The following HOMER1 variants were observed in gnomAD, a reference collection of about 807,000 sequenced individuals.
HOMER1 encodes homer protein homolog 1.
A neutral mutation model predicts 48.9 loss-of-function variants in HOMER1; 3 were observed. That is an observed-to-expected ratio of 0.06 (90% CI 0.03 to 0.16). The LOEUF (loss-of-function observed/expected upper bound fraction) is 0.16. Ranked by LOEUF, HOMER1 falls within the 10% of genes least tolerant of loss-of-function variation. The pLI, the probability that HOMER1 is intolerant of heterozygous loss-of-function variation, is 1.00. For missense variants in HOMER1, 247 were observed against 411.4 expected, an observed-to-expected ratio of 0.60 and a Z score of 3.46; for synonymous variants, 134 against 146.4, an observed-to-expected ratio of 0.92 and a Z score of 0.61.
chr5:79,472,972 C>T (rs1389369742), intron 1 of HOMER1, among the ~76,000 whole-genome samples: 1 of 152,156 alleles, frequency 6.6e-6, no homozygotes, highest in African/African-American at 2.4e-5. Flanking sequence ...AGTTATTCTA[C>T]ACAAGTTATC....
At position 79,512,903 on chromosome 5, in the gene HOMER1, T is replaced by G. The variant is rs1358709104; in HGVS notation, c.-129A>C. On this transcript the variant is annotated 5_prime_UTR_variant, in exon 1 of 9. Coordinates refer to ENST00000334082, the MANE Select transcript of HOMER1 (RefSeq NM_004272.5). ...ACCCCCAGATCCTTGTCCGGAGGTA[T>G]TTCAAGGATGCTGCCAATTCAATTA... 2.5e-6 allele frequency: 2 copies of G among 797,106 alleles called. No homozygotes were observed. Among genetic ancestry groups the G allele is most frequent in the Non-Finnish European group, 4.3e-6 (2 of 464,192 alleles). The allele number at this position is 797,106 out of a possible 1,614,324, so 49.4% of individuals were successfully genotyped here. A position where few individuals can be genotyped will look rare whatever the true frequency, so the allele number is the denominator to read the frequency against.
intron 1 of HOMER1, among the ~76,000 whole-genome samples, chr5:79,476,741 T>G (rs556248312): frequency 1.1e-4 from 16 of 152,292 alleles, no homozygotes; most frequent in African/African-American, 3.1e-4. Context: ...CCACACACAT[T>G]TAGCTATCCA....
At chr5:79,462,476 A>G in intron 1 of HOMER1, among the ~76,000 whole-genome samples, 1 of 152,216 alleles carries the variant, frequency 6.6e-6, no homozygotes, top group East Asian at 1.9e-4. Flanking sequence ...ATGGATGTGG[A>G]AAACTGGAAG....
intron 1 of HOMER1, among the ~76,000 whole-genome samples, chr5:79,507,639 C>T (rs1752815934): frequency 6.6e-6 from 1 of 151,712 alleles, no homozygotes; most frequent in African/African-American, 2.4e-5. Context: ...CTCTTCTGTC[C>T]AGTTAGTCAT....
At chr5:79,421,389 G>A (rs919522156) in intron 5 of HOMER1, among the ~76,000 whole-genome samples, 2 of 152,020 alleles carry the variant, frequency 1.3e-5, no homozygotes, top group African/African-American at 2.4e-5. Flanking sequence ...CCAGCTACTT[G>A]GTAAACATGC....
intron 6 of HOMER1, among the ~76,000 whole-genome samples, chr5:79,399,537 T>A (rs1284175254): frequency 6.6e-6 from 1 of 152,188 alleles, no homozygotes; most frequent in African/African-American, 2.4e-5. Context: ...AGATAAAGAT[T>A]TCCTAGGACA....
intron 1 of HOMER1, among the ~76,000 whole-genome samples, chr5:79,500,548 C>T (rs1340814180): frequency 6.6e-6 from 1 of 152,124 alleles, no homozygotes; most frequent in Non-Finnish European, 1.5e-5. Context: ...CCTCCTCTTC[C>T]TCAGCCTACT....
chr5:79,488,472 T>C (rs1427987351), intron 1 of HOMER1, among the ~76,000 whole-genome samples: 1 of 152,238 alleles, frequency 6.6e-6, no homozygotes, highest in East Asian at 1.9e-4. Context: ...TTCTAGTTTA[T>C]ACATCAGTCT....
At chr5:79,487,361 A>G (rs968203333) in intron 1 of HOMER1, among the ~76,000 whole-genome samples, 2 of 152,356 alleles carry the variant, frequency 1.3e-5, no homozygotes, top group South Asian at 4.1e-4. Flanking sequence ...CAACTTGAAC[A>G]TACAAAAAGA....
intron 5 of HOMER1, among the ~76,000 whole-genome samples, chr5:79,409,266 C>T (rs1749751730): frequency 6.6e-6 from 1 of 151,358 alleles, no homozygotes; most frequent in Non-Finnish European, 1.5e-5. Context: ...AACCCTATCT[C>T]TACTAAAAAT....
Position 79,396,920 on chromosome 5 carries a change from A to T in HOMER1, c.796-17T>A. ...TTCTATTTCCTAGAAAAGACAGAGCAATGTCTTAACATTCAAACTATATCA... is the reference window on the plus strand; with the variant it reads ...TTCTATTTCCTAGAAAAGACAGAGCTATGTCTTAACATTCAAACTATATCA... On this transcript the variant is annotated splice_polypyrimidine_tract_variant and intron_variant, in intron 7 of 8. Transcript: ENST00000334082. 2.1e-6 allele frequency: 3 copies of T among 1,409,962 alleles called. No individual in the cohort carries two copies. Among genetic ancestry groups the T allele is most frequent in the Non-Finnish European group, 3.0e-6 (3 of 1,000,552 alleles). 87.3% of individuals were successfully genotyped at this position (1,409,962 alleles called of 1,614,324 possible).
chr5:79,485,154 GAGTAA>G (rs773892537), intron 1 of HOMER1, among the ~76,000 whole-genome samples: 7 of 152,112 alleles, frequency 4.6e-5, no homozygotes, highest in Non-Finnish European at 1.0e-4. Context: ...TGCTTTCCCT[GAGTAA>G]AGTAAATATA....
intron 5 of HOMER1, among the ~76,000 whole-genome samples, chr5:79,421,064 A>C (rs1312912534): frequency 6.6e-6 from 1 of 152,210 alleles, no homozygotes; most frequent in Non-Finnish European, 1.5e-5. Flanking sequence ...AGGTACTCCC[A>C]GACTCTTGAT....
chr5:79,451,613 T>A (rs1456331862), intron 2 of HOMER1, among the ~76,000 whole-genome samples: 1 of 133,006 alleles, frequency 7.5e-6, no homozygotes, highest in East Asian at 2.8e-4. Context: ...TCGCCCAGGC[T>A]GGAGTGCAGT....
intron 2 of HOMER1, among the ~76,000 whole-genome samples, chr5:79,454,007 A>G (rs1454795538): frequency 6.6e-6 from 1 of 152,220 alleles, no homozygotes; most frequent in Non-Finnish European, 1.5e-5. Context: ...TCTGCTACAG[A>G]AGATAGATTT....
chr5:79,495,698 T>C (rs911352373), intron 1 of HOMER1, among the ~76,000 whole-genome samples: 1 of 152,236 alleles, frequency 6.6e-6, no homozygotes, highest in Non-Finnish European at 1.5e-5. Context: ...TTTGGGTTGA[T>C]GATCAATTTT....
At chr5:79,399,569 C>T (rs975010458) in intron 6 of HOMER1, among the ~76,000 whole-genome samples, 1 of 152,150 alleles carries the variant, frequency 6.6e-6, no homozygotes, top group African/African-American at 2.4e-5. Context: ...CCTAGGGTTA[C>T]AGCAAAATTG....
At chr5:79,427,101 C>A (rs1750277881) in intron 5 of HOMER1, among the ~76,000 whole-genome samples, 1 of 152,038 alleles carries the variant, frequency 6.6e-6, no homozygotes, top group Non-Finnish European at 1.5e-5. Context: ...TACATGTATC[C>A]AGAAAAACAA....
At chr5:79,406,241 A>C (rs1042172793) in intron 5 of HOMER1, among the ~76,000 whole-genome samples, 11 of 152,220 alleles carry the variant, frequency 7.2e-5, no homozygotes, top group African/African-American at 2.4e-4. Flanking sequence ...GTTGGTATTT[A>C]GACCCAAGGA....
Sources: gnomAD v4.1 joint callset for allele counts (sites outside exome capture counted in the v4.1 genomes callset) on GRCh38, gnomAD v4.1.1 for gene constraint, MANE v1.5 for transcripts, NCBI Gene and HGNC (gene_info 2026-07-23, HGNC 2026-07-21) for gene names.